Variants in PPIL6 observed in about 807,000 individuals in gnomAD.
PPIL6 encodes the protein peptidylprolyl isomerase like 6.
Under a neutral mutation model 36.8 loss-of-function variants are expected in PPIL6, and 39 were observed. That is an observed-to-expected ratio of 1.06 (90% CI 0.82 to 1.38). The LOEUF (loss-of-function observed/expected upper bound fraction) is 1.38. Among genes scored for constraint, PPIL6 ranks in the 40% most tolerant of loss-of-function variants. PPIL6 has a pLI of 0.00. For synonymous variants in PPIL6, 123 were observed against 134.1 expected (o/e 0.92, Z 0.57); for missense variants, 368 against 379.1 (o/e 0.97, Z 0.24).
intron 2 of PPIL6, among the ~76,000 whole-genome samples, chr6:109,433,501 G>A (rs1264479507): frequency 6.6e-6 from 1 of 152,238 alleles, no homozygotes; most frequent in Non-Finnish European, 1.5e-5. Context: ...TACTTAGGGA[G>A]GCGTGCTCGC....
At chr6:109,438,178 G>A (rs968969965) in intron 1 of PPIL6, among the ~76,000 whole-genome samples, 1 of 151,520 alleles carries the variant, frequency 6.6e-6, no homozygotes, top group Non-Finnish European at 1.5e-5. Flanking sequence ...TTATTTCTTT[G>A]TGTTGGGAAC....
chr6:109,431,376 AAC>A, intron 2 of PPIL6, 31 bp from the exon 3 acceptor site: 3 of 1,520,652 alleles, frequency 2.0e-6, no homozygotes, highest in Non-Finnish European at 8.9e-7. Context: ...AAAAAAAAAA[AAC>A]GTAAGAAGTG....
chr6:109,420,951 T>C (rs1187306343), intron 5 of PPIL6, among the ~76,000 whole-genome samples: 2 of 152,228 alleles, frequency 1.3e-5, no homozygotes, highest in Admixed American at 6.5e-5. Flanking sequence ...CATGGTTCAC[T>C]ACCCAGCCCC....
chr6:109,433,741 T>C (rs1774293315), intron 2 of PPIL6, among the ~76,000 whole-genome samples: 1 of 151,940 alleles, frequency 6.6e-6, no homozygotes, highest in Admixed American at 6.6e-5. Context: ...AATACTTACA[T>C]TGATGAAGGA....
chr6:109,413,633 A>G lies in PPIL6; in HGVS notation c.688+5554T>C, dbSNP rs576159010. ...TGGGTATATACCCAAAAGAAAGGAAATCATTATATCAAAGAGATACCTGCA... is the reference window on the plus strand; with the variant it reads ...TGGGTATATACCCAAAAGAAAGGAAGTCATTATATCAAAGAGATACCTGCA... On this transcript the variant is annotated intron_variant, in intron 6 of 7. Transcript: ENST00000521072. The surrounding 1 kb of genome is among the most constrained non-coding windows in gnomAD (Gnocchi z 4.6). Among the ~76,000 whole-genome samples, 8 of 152,352 alleles carry G rather than the reference A, an allele frequency of 5.3e-5. No individual in the cohort carries two copies. Among genetic ancestry groups the G allele is most frequent in the Non-Finnish European group, 1.0e-4 (7 of 68,034 alleles).
intron 7 of PPIL6, among the ~76,000 whole-genome samples, chr6:109,395,930 G>T (rs1257512240): frequency 6.6e-6 from 1 of 151,180 alleles, no homozygotes; most frequent in Non-Finnish European, 1.5e-5. Flanking sequence ...CCGCCTCCCG[G>T]GTTGACACCA....
chr6:109,427,078 T>TA lies in PPIL6; in HGVS notation c.483+15dup. 13 of 1,599,354 alleles carry TA rather than the reference T, an allele frequency of 8.1e-6. No individual in the cohort carries two copies. Among genetic ancestry groups the TA allele is most frequent in the South Asian group, 1.1e-5 (1 of 90,254 alleles). On this transcript the variant is annotated intron_variant, in intron 4 of 7. Transcript: ENST00000521072. ...GATCCTACCCCCACAAACTTACATA[T>TA]AAAAAAAAGTATCACCTCAAAAATC...
chr6:109,405,350 T>TA (rs1004680874), intron 6 of PPIL6, among the ~76,000 whole-genome samples: 7 of 152,184 alleles, frequency 4.6e-5, no homozygotes, highest in East Asian at 1.9e-4. Flanking sequence ...CTTTCCCATT[T>TA]AAAAAAAATT....
At chr6:109,440,131 C>A (rs960858867) in intron 1 of PPIL6, 1 of 375,604 alleles carries the variant, frequency 2.7e-6, no homozygotes, top group Non-Finnish European at 5.1e-6. Context: ...AAAAAATTGA[C>A]GTAGAACAAA....
At chr6:109,402,936 G>T in intron 6 of PPIL6, 1 of 770,532 alleles carries the variant, frequency 1.3e-6, no homozygotes, top group Non-Finnish European at 2.0e-6. Flanking sequence ...ACTCTAACTA[G>T]CTTTGCAGAC....
chr6:109,412,460 C>T (rs761511573), intron 6 of PPIL6, among the ~76,000 whole-genome samples: 45 of 152,148 alleles, frequency 3.0e-4, no homozygotes, highest in Non-Finnish European at 5.3e-4. Flanking sequence ...AAGAACAAAA[C>T]GGAAGGAATC....
intron 5 of PPIL6, among the ~76,000 whole-genome samples, chr6:109,423,384 T>TATG: frequency 6.6e-6 from 1 of 151,952 alleles, no homozygotes; most frequent in Non-Finnish European, 1.5e-5. Flanking sequence ...AATAATAATA[T>TATG]ATGAGTTCAA....
intron 6 of PPIL6, among the ~76,000 whole-genome samples, chr6:109,404,648 T>A (rs1031327455): frequency 1.3e-5 from 2 of 152,248 alleles, no homozygotes; most frequent in African/African-American, 4.8e-5. Flanking sequence ...TTTAGTATTT[T>A]ATGAATGACT....
intron 2 of PPIL6, among the ~76,000 whole-genome samples, chr6:109,435,146 G>T (rs1006278142): frequency 1.7e-4 from 26 of 152,138 alleles, no homozygotes; most frequent in African/African-American, 6.3e-4. Flanking sequence ...AGAGGGCCAG[G>T]CCACATTAAC....
At chr6:109,431,107 TA>T in intron 3 of PPIL6, 49 bp downstream of exon 3, 1 of 1,313,046 alleles carries the variant, frequency 7.6e-7, no homozygotes, top group Non-Finnish European at 1.1e-6. Context: ...TGAATCAATA[TA>T]AAGGGTCAAA....
At position 109,431,138 on chromosome 6, in the gene PPIL6, A is replaced by C. The variant is rs1774125449; in HGVS notation, c.420+19T>G. ...GTCAAAGATTCCACAATTTTTCTTTAAAAGTTAGTATAACTTGCCTTGGTG... is the reference window on the plus strand; with the variant it reads ...GTCAAAGATTCCACAATTTTTCTTTCAAAGTTAGTATAACTTGCCTTGGTG... On this transcript the variant is annotated intron_variant, in intron 3 of 7. Transcript: ENST00000521072. 6.4e-7 allele frequency: 1 copy of C among 1,560,116 alleles called. No homozygotes were observed. Among genetic ancestry groups the C allele is most frequent in the East Asian group, 2.3e-5 (1 of 44,174 alleles).
chr6:109,392,681 G>T lies in PPIL6; in HGVS notation c.*145C>A. On this transcript the variant is annotated 3_prime_UTR_variant, in exon 8 of 8. Coordinates refer to ENST00000521072, the MANE Select transcript of PPIL6 (RefSeq NM_173672.5). ...ATGACAGAGACAGGAAAGGAAGATGGGGAGGGATTGGGTGTAGATGAGGCA... is the reference window on the plus strand; with the variant it reads ...ATGACAGAGACAGGAAAGGAAGATGTGGAGGGATTGGGTGTAGATGAGGCA... 2 of 578,948 alleles carry T rather than the reference G, an allele frequency of 3.5e-6. No homozygotes were observed. The highest frequency in any genetic ancestry group is 3.0e-6 in the Non-Finnish European group (1 of 328,770). The allele number at this position is 578,948 out of a possible 1,614,324, so 35.9% of individuals were successfully genotyped here. A position where few individuals can be genotyped will look rare whatever the true frequency, so the allele number is the denominator to read the frequency against.
chr6:109,421,772 C>G (rs972496022), intron 5 of PPIL6, among the ~76,000 whole-genome samples: 4 of 152,144 alleles, frequency 2.6e-5, no homozygotes, highest in Non-Finnish European at 5.9e-5. Flanking sequence ...GGTGTGGTGG[C>G]TCATGCCTGT....
rs1772621680 is a variant in PPIL6, at chr6:109,402,935, A to G, written c.689-2765T>C. 4 of 752,508 alleles carry G rather than the reference A, an allele frequency of 5.3e-6. No homozygotes were observed. In the African/African-American group the frequency reaches 7.2e-5, roughly 13 times the overall value. 46.6% of individuals were successfully genotyped at this position (752,508 alleles called of 1,614,324 possible). On this transcript the variant is annotated intron_variant, in intron 6 of 7. Transcript: ENST00000521072. ...ACCGTTTTAAATATTAACTCTAACT[A>G]GCTTTGCAGACATAAAGTATTACAA...
Sources: gnomAD v4.1 joint callset for allele counts (sites outside exome capture counted in the v4.1 genomes callset) on GRCh38, gnomAD v4.1.1 for gene constraint, Gnocchi (gnomAD v3.1) non-coding constraint, MANE v1.5 for transcripts, NCBI Gene and HGNC (gene_info 2026-07-23, HGNC 2026-07-21) for gene names.